Variants in PSMG2 observed in about 807,000 individuals in gnomAD.
PSMG2 encodes CD40 ligand-activated specific transcript 3.
A neutral mutation model predicts 31.5 loss-of-function variants in PSMG2; 21 were observed. The ratio of observed to expected loss-of-function variants is 0.67; its 90% CI spans 0.47 to 0.96. PSMG2 has a LOEUF of 0.96. Ranked by LOEUF, PSMG2 falls within the 40% of genes least tolerant of loss-of-function variation. PSMG2 has a pLI of 0.00. For synonymous variants in PSMG2, 120 were observed against 110.4 expected (o/e 1.09, Z -0.54); for missense variants, 318 against 321.2 (o/e 0.99, Z 0.08).
upstream of PSMG2, chr18:12,698,983 G>C (rs1241378434): frequency 6.2e-7 from 1 of 1,600,974 alleles, no homozygotes; most frequent in African/African-American, 1.3e-5. Context: ...TCTTACCCAA[G>C]CTTTCTCTGT....
intron 1 of PSMG2, among the ~76,000 whole-genome samples, chr18:12,666,698 C>G (rs1194124860): frequency 6.6e-6 from 1 of 151,620 alleles, no homozygotes; most frequent in Non-Finnish European, 1.5e-5. Context: ...ATCTACCTGC[C>G]TTGGCCTCCT....
chr18:12,686,487 T>G (rs1297898007), intron 1 of PSMG2: 1 of 1,413,004 alleles, frequency 7.1e-7, no homozygotes, highest in African/African-American at 1.4e-5. Flanking sequence ...AATGACATAT[T>G]AATCATCCCC....
At chr18:12,692,954 C>G (rs746742813) in intron 1 of PSMG2, among the ~76,000 whole-genome samples, 1 of 152,154 alleles carries the variant, frequency 6.6e-6, no homozygotes, top group Non-Finnish European at 1.5e-5. Context: ...TCCCCAGTAG[C>G]TGGGACTACA....
chr18:12,700,015 C>A, upstream of PSMG2: 2 of 533,518 alleles, frequency 3.7e-6, no homozygotes, highest in South Asian at 4.5e-5. Flanking sequence ...GGGTAAGGCC[C>A]TTTCAAAGAA....
chr18:12,718,620 A>C lies in PSMG2; in HGVS notation c.392A>C (p.Asp131Ala). 1 of 1,602,086 alleles carries C rather than the reference A, an allele frequency of 6.2e-7. No individual in the cohort carries two copies. Among genetic ancestry groups the C allele is most frequent in the East Asian group, 2.2e-5 (1 of 44,808 alleles). Residue 131 changes from aspartate (D) to alanine (A), a missense_variant, in exon 4 of 7, where the codon GAT becomes GCT. By Grantham distance (126) the Asp-to-Ala change is moderately radical. Coordinates refer to ENST00000317615, the MANE Select transcript of PSMG2 (RefSeq NM_020232.5). ...LSSSHSYQRN[D>A]LQLRSTPFRY... ...AGCAGTCATTCATATCAGCGTAATG[A>C]TCTGCAGCTTCGTAGGTATGTTTCT...
intron 1 of PSMG2, among the ~76,000 whole-genome samples, chr18:12,681,992 T>C (rs1469185403): frequency 6.7e-6 from 1 of 148,512 alleles, no homozygotes; most frequent in African/African-American, 2.5e-5. Context: ...TGAGACTCTG[T>C]CTCTAAAAAA....
At chr18:12,671,647 T>C (rs969652734) in intron 1 of PSMG2, among the ~76,000 whole-genome samples, 397 of 134,558 alleles carry the variant, frequency 3.0e-3, no homozygotes, top group African/African-American at 0.011. Flanking sequence ...ACTTTCTTTT[T>C]TTTTTTTTTT....
chr18:12,687,448 G>A (rs1212763350), intron 1 of PSMG2, among the ~76,000 whole-genome samples: 2 of 151,568 alleles, frequency 1.3e-5, no homozygotes, highest in Non-Finnish European at 2.9e-5. Context: ...ACTATAGAAG[G>A]CATCAATTTT....
intron 1 of PSMG2, 41 bp downstream of exon 1, chr18:12,703,205 C>T (rs1457888966): frequency 1.9e-6 from 3 of 1,571,882 alleles, no homozygotes; most frequent in Admixed American, 1.8e-5. Flanking sequence ...CCTCCCGAGG[C>T]CCCTGCGGTG....
intron 1 of PSMG2, among the ~76,000 whole-genome samples, chr18:12,659,814 CTA>C (rs1429414641): frequency 3.9e-5 from 6 of 152,174 alleles, no homozygotes; most frequent in Non-Finnish European, 8.8e-5. Flanking sequence ...AATGCAGTAT[CTA>C]TGTGTGCCAA....
rs1436178296 is a variant in PSMG2, at chr18:12,703,099, A to C, written c.-9A>C. ...GCGGTTAGTCCCTGCTGGCCACCCC[A>C]CTGCGACCATGTTCGTTCCCTGCGG... On this transcript the variant is annotated 5_prime_UTR_variant, in exon 1 of 7. Transcript: ENST00000317615. 28 of 1,611,642 alleles carry C rather than the reference A, an allele frequency of 1.7e-5. No homozygotes were observed. Among genetic ancestry groups the C allele is most frequent in the Non-Finnish European group, 2.3e-5 (27 of 1,179,324 alleles).
chr18:12,717,382 G>A (rs376472639), intron 3 of PSMG2, among the ~76,000 whole-genome samples: 42 of 152,178 alleles, frequency 2.8e-4, no homozygotes, highest in African/African-American at 8.9e-4. Context: ...TTTTCATAAA[G>A]CGGGCTCCCC....
chr18:12,661,728 T>C (rs2038697877), intron 1 of PSMG2: 2 of 153,002 alleles, frequency 1.3e-5, no homozygotes, highest in Non-Finnish European at 2.9e-5. Context: ...TGAGCCAAGA[T>C]TGTACCACTG....
intron 1 of PSMG2, chr18:12,673,438 C>A: frequency 1.3e-6 from 2 of 1,597,846 alleles, no homozygotes; most frequent in Non-Finnish European, 1.7e-6. Flanking sequence ...AGTAAATACT[C>A]GGACACGAAC....
At chr18:12,669,168 A>G (rs1361545143) in intron 1 of PSMG2, among the ~76,000 whole-genome samples, 2 of 148,072 alleles carry the variant, frequency 1.4e-5, no homozygotes. Flanking sequence ...GCTGGAGTGC[A>G]GTGGTGTGAT....
intron 1 of PSMG2, among the ~76,000 whole-genome samples, chr18:12,676,279 C>CA (rs2039128536): frequency 9.4e-6 from 1 of 106,430 alleles, no homozygotes; most frequent in Non-Finnish European, 1.9e-5. Context: ...ACAGTAATTC[C>CA]TTTTTTTTTT....
At chr18:12,668,883 G>A (rs1262299016) in intron 1 of PSMG2, among the ~76,000 whole-genome samples, 1 of 150,700 alleles carries the variant, frequency 6.6e-6, no homozygotes, top group Non-Finnish European at 1.5e-5. Context: ...TGGGATTACA[G>A]GTGTGGGCTA....
Position 12,706,696 on chromosome 18 carries a change from A to C in PSMG2, c.204A>C (p.Ser68=). The part of the protein sequence containing the change: ...NNPYATTEGN[S]TELSINAEVY... Reference sequence around the variant, plus strand: ...CATATGCGACCACAGAAGGAAATTCAACAGAACTTAGCATAAATGCTGAAG... The same window carrying C: ...CATATGCGACCACAGAAGGAAATTCCACAGAACTTAGCATAAATGCTGAAG... The change falls in exon 2 of 7, where the codon TCA becomes TCC. Residue 68 remains serine (S), a synonymous_variant. Transcript: ENST00000317615. 1 of 1,609,700 alleles carries C rather than the reference A, an allele frequency of 6.2e-7. No individual in the cohort carries two copies. Among genetic ancestry groups the C allele is most frequent in the Non-Finnish European group, 8.5e-7 (1 of 1,176,798 alleles).
intron 1 of PSMG2, chr18:12,686,673 T>C (rs2039550306): frequency 2.5e-6 from 1 of 392,716 alleles, no homozygotes; most frequent in Non-Finnish European, 4.6e-6. Context: ...ACAGCTATTA[T>C]GCAACAGAGC....
Sources: gnomAD v4.1 joint callset for allele counts (sites outside exome capture counted in the v4.1 genomes callset) on GRCh38, gnomAD v4.1.1 for gene constraint, MANE v1.5 for transcripts, NCBI Gene and HGNC (gene_info 2026-07-23, HGNC 2026-07-21) for gene names.